The following LRMDA variants were observed in gnomAD, a reference collection of about 807,000 sequenced individuals.
The protein encoded by LRMDA is leucine rich melanocyte differentiation associated.
Under a neutral mutation model 29.8 loss-of-function variants are expected in LRMDA, and 18 were observed. The ratio of observed to expected loss-of-function variants is 0.60; its 90% confidence interval spans 0.42 to 0.90. The LOEUF (loss-of-function observed/expected upper bound fraction) is 0.90, where lower values mean the gene tolerates loss of function less well. Ranked by LOEUF, LRMDA falls within the 40% of genes least tolerant of loss-of-function variation. The pLI is 0.00. For synonymous variants in LRMDA, 125 were observed against 109.4 expected (o/e 1.14, Z -0.89); for missense variants, 273 against 273.9 (o/e 1.00, Z 0.02).
intron 5 of LRMDA, among the ~76,000 whole-genome samples, chr10:76,226,217 C>T (rs541497369): frequency 6.6e-6 from 1 of 152,096 alleles, no homozygotes; most frequent in Admixed American, 6.5e-5. Flanking sequence ...GAAGGGAAAG[C>T]AAACACATTC....
intron 6 of LRMDA, among the ~76,000 whole-genome samples, chr10:76,521,348 A>T (rs966530298): frequency 9.2e-5 from 14 of 152,076 alleles, no homozygotes; most frequent in African/African-American, 3.1e-4. Flanking sequence ...GTTAACCAGG[A>T]TAGTCTCAAT....
intron 5 of LRMDA, among the ~76,000 whole-genome samples, chr10:76,106,270 G>A (rs1282984173): frequency 6.6e-6 from 1 of 152,180 alleles, no homozygotes; most frequent in African/African-American, 2.4e-5. Context: ...CCAGTTTGGG[G>A]TATGGTATGG....
At chr10:75,929,647 TGAG>T (rs1269091636) in intron 2 of LRMDA, among the ~76,000 whole-genome samples, 1 of 152,212 alleles carries the variant, frequency 6.6e-6, no homozygotes, top group Non-Finnish European at 1.5e-5. Flanking sequence ...TTCTGTGTGA[TGAG>T]GAGAGTCTCA....
At chr10:75,575,057 G>GAGAGAGA (rs1269809739) in intron 2 of LRMDA, among the ~76,000 whole-genome samples, 1 of 152,186 alleles carries the variant, frequency 6.6e-6, no homozygotes, top group Non-Finnish European at 1.5e-5. Context: ...GCAGGAGGAA[G>GAGAGAGA]AGAGAGAAGG....
intron 2 of LRMDA, among the ~76,000 whole-genome samples, chr10:75,740,043 C>T (rs1397671889): frequency 6.6e-6 from 1 of 152,108 alleles, no homozygotes; most frequent in Non-Finnish European, 1.5e-5. Context: ...TTTAAATAAG[C>T]AGAGATTGTA....
rs1184699365 is a variant in LRMDA, at chr10:76,497,926, C to A, written c.602-59283C>A. Among the ~76,000 whole-genome samples, 3 of 75,414 alleles carry A rather than the reference C, an allele frequency of 4.0e-5. 1 individual carries two copies. The highest frequency in any genetic ancestry group is 1.3e-4 in the Non-Finnish European group (3 of 22,684). 49.5% of individuals were successfully genotyped at this position (75,414 alleles called of 152,430 possible). A position where few individuals can be genotyped will look rare whatever the true frequency, so the allele number is the denominator to read the frequency against. ...ACCTTCAACTTGTTTTATCTCTGAA[C>A]TGTAACCCTTTGCCCTCAGATGTCA... On this transcript the variant is annotated intron_variant, in intron 6 of 6. Coordinates refer to ENST00000611255, the MANE Select transcript of LRMDA (RefSeq NM_001305581.2).
At chr10:75,496,966 G>C (rs1035800043) in intron 2 of LRMDA, among the ~76,000 whole-genome samples, 1 of 151,642 alleles carries the variant, frequency 6.6e-6, no homozygotes, top group Non-Finnish European at 1.5e-5. Flanking sequence ...AGGAATCCTA[G>C]ATTAAGAACT....
intron 6 of LRMDA, among the ~76,000 whole-genome samples, chr10:76,516,848 G>T (rs1214073591): frequency 1.3e-5 from 2 of 152,122 alleles, no homozygotes; most frequent in Non-Finnish European, 2.9e-5. Flanking sequence ...AATCCTTTGG[G>T]TATATACCCA....
chr10:75,495,330 AT>A (rs1037011585), intron 2 of LRMDA, among the ~76,000 whole-genome samples: 2 of 148,886 alleles, frequency 1.3e-5, no homozygotes, highest in Admixed American at 6.6e-5. Context: ...CAGGCCTTTT[AT>A]GGTTTTTTTT....
chr10:75,753,949 A>T (rs2132221983), intron 2 of LRMDA, among the ~76,000 whole-genome samples: 1 of 152,332 alleles, frequency 6.6e-6, no homozygotes, highest in Middle Eastern at 3.4e-3. Context: ...TGGTGCATTG[A>T]CTGTGGGAAT....
intron 2 of LRMDA, among the ~76,000 whole-genome samples, chr10:75,626,330 G>A (rs1307052970): frequency 6.6e-6 from 1 of 152,154 alleles, no homozygotes; most frequent in Admixed American, 6.5e-5. Context: ...CAAGCTAGAG[G>A]TTTTCTTGCT....
intron 2 of LRMDA, among the ~76,000 whole-genome samples, chr10:75,838,951 C>A (rs957561728): frequency 3.9e-5 from 6 of 152,122 alleles, no homozygotes; most frequent in African/African-American, 1.4e-4. Flanking sequence ...CAGTGGCAAT[C>A]CAACCCCAAA....
At chr10:75,456,869 T>C (rs1844523787) in intron 2 of LRMDA, among the ~76,000 whole-genome samples, 2 of 152,060 alleles carry the variant, frequency 1.3e-5, no homozygotes. Flanking sequence ...AGAGTCAGGG[T>C]TTCACCATTT....
chr10:76,215,675 T>C (rs960167980), intron 5 of LRMDA, among the ~76,000 whole-genome samples: 3 of 152,222 alleles, frequency 2.0e-5, no homozygotes, highest in African/African-American at 7.2e-5. Context: ...GTTATCCATG[T>C]CCCAATTCTA....
At chr10:75,554,609 G>C (rs577656351) in intron 2 of LRMDA, among the ~76,000 whole-genome samples, 1 of 152,176 alleles carries the variant, frequency 6.6e-6, no homozygotes, top group Admixed American at 6.5e-5. Context: ...GTAATTATAA[G>C]GTGGCAGACT....
intron 2 of LRMDA, among the ~76,000 whole-genome samples, chr10:75,804,688 G>A (rs1003086673): frequency 6.6e-6 from 1 of 152,230 alleles, no homozygotes; most frequent in Non-Finnish European, 1.5e-5. Flanking sequence ...GCTTGCTCTG[G>A]GAGGGGCTCA....
intron 5 of LRMDA, among the ~76,000 whole-genome samples, chr10:76,086,642 A>G (rs1459978700): frequency 6.6e-6 from 1 of 152,178 alleles, no homozygotes; most frequent in East Asian, 1.9e-4. Context: ...ACTCATGTGT[A>G]TATGTGTGGG....
At chr10:76,253,876 A>G (rs550102396) in intron 5 of LRMDA, among the ~76,000 whole-genome samples, 3 of 152,198 alleles carry the variant, frequency 2.0e-5, no homozygotes, top group South Asian at 2.1e-4. Flanking sequence ...CTAGGGCCTC[A>G]TTCTTCCATT....
chr10:75,713,825 CCT>C (rs1393484585), intron 2 of LRMDA, among the ~76,000 whole-genome samples: 1 of 152,056 alleles, frequency 6.6e-6, no homozygotes, highest in African/African-American at 2.4e-5. Context: ...CTTCTCCCTC[CCT>C]GTCTCTCCCT....
Sources: gnomAD v4.1 joint callset for allele counts (sites outside exome capture counted in the v4.1 genomes callset) on GRCh38, gnomAD v4.1.1 for gene constraint, MANE v1.5 for transcripts, NCBI Gene and HGNC (gene_info 2026-07-23, HGNC 2026-07-21) for gene names.